Variants in LRRC4C observed in about 807,000 individuals in gnomAD.
LRRC4C encodes the protein leucine rich repeat containing 4C.
Under a neutral mutation model 33.6 loss-of-function variants are expected in LRRC4C, and 5 were observed. The observed-to-expected ratio is 0.15, with a 90% CI of 0.08 to 0.31. The LOEUF is 0.31. Among genes scored for constraint, LRRC4C ranks in the 10% least tolerant of loss-of-function variants. LRRC4C has a pLI of 1.00. For missense variants in LRRC4C, 560 were observed against 796.7 expected (o/e 0.70, Z 3.58); for synonymous variants, 329 against 302.0 (o/e 1.09, Z -0.93).
At chr11:40,512,380 A>G (rs1955363065) in intron 3 of LRRC4C, among the ~76,000 whole-genome samples, 1 of 145,724 alleles carries the variant, frequency 6.9e-6, no homozygotes, top group Admixed American at 6.8e-5. Context: ...TCTCAAAACA[A>G]AAACAAAAAC....
chr11:40,396,855 A>G (rs1002762671), intron 3 of LRRC4C, among the ~76,000 whole-genome samples: 1 of 152,134 alleles, frequency 6.6e-6, no homozygotes, highest in Non-Finnish European at 1.5e-5. Context: ...TGTAAAAACA[A>G]AAAAGAAATA....
At chr11:40,184,956 G>A (rs905506823) in intron 5 of LRRC4C, among the ~76,000 whole-genome samples, 1 of 152,122 alleles carries the variant, frequency 6.6e-6, no homozygotes, top group Non-Finnish European at 1.5e-5. Context: ...TGTTTCACAC[G>A]ATAACATTTA....
At chr11:40,792,462 C>T (rs1025249897) in intron 2 of LRRC4C, among the ~76,000 whole-genome samples, 2 of 151,336 alleles carry the variant, frequency 1.3e-5, no homozygotes, top group Middle Eastern at 3.2e-3. Context: ...GTTAGAATGG[C>T]GATCATTAAA....
chr11:40,699,080 A>G (rs1010514529), intron 2 of LRRC4C, among the ~76,000 whole-genome samples: 6 of 152,254 alleles, frequency 3.9e-5, no homozygotes, highest in South Asian at 2.1e-4. Context: ...CCACACACAT[A>G]CATAACTCTG....
intron 1 of LRRC4C, among the ~76,000 whole-genome samples, chr11:41,053,957 G>C (rs1309747184): frequency 6.6e-6 from 1 of 152,060 alleles, no homozygotes; most frequent in Non-Finnish European, 1.5e-5. Flanking sequence ...GGAGTTATAG[G>C]ACTTAATTGT....
At chr11:40,773,680 T>C (rs1020103883) in intron 2 of LRRC4C, among the ~76,000 whole-genome samples, 1 of 152,036 alleles carries the variant, frequency 6.6e-6, no homozygotes, top group African/African-American at 2.4e-5. Flanking sequence ...AACATTATTG[T>C]TACCACTTAA....
At chr11:40,390,960 C>A (rs930058756) in intron 3 of LRRC4C, among the ~76,000 whole-genome samples, 1 of 152,110 alleles carries the variant, frequency 6.6e-6, no homozygotes, top group Non-Finnish European at 1.5e-5. Flanking sequence ...AGGCTCACTG[C>A]AACCTCCGCC....
intron 2 of LRRC4C, among the ~76,000 whole-genome samples, chr11:40,931,708 ATTT>A (rs1226302665): frequency 6.6e-6 from 1 of 151,978 alleles, no homozygotes; most frequent in Non-Finnish European, 1.5e-5. Context: ...ACTTATAATT[ATTT>A]TTAAGTGATT....
intron 2 of LRRC4C, among the ~76,000 whole-genome samples, chr11:40,907,706 C>T (rs1049413694): frequency 6.6e-6 from 1 of 152,148 alleles, no homozygotes; most frequent in Admixed American, 6.5e-5. Context: ...TCTTTATTCT[C>T]AGTGAAAACA....
chr11:40,972,881 A>G (rs1339112814), intron 1 of LRRC4C, among the ~76,000 whole-genome samples: 1 of 152,150 alleles, frequency 6.6e-6, no homozygotes, highest in Non-Finnish European at 1.5e-5. Flanking sequence ...CCCAAATCTC[A>G]TGTCAAATTG....
rs577745684 is a variant in LRRC4C, at chr11:40,737,002, T to C, written c.-406-88724A>G. Among the ~76,000 whole-genome samples the C allele has an allele frequency of 5.3e-5, 8 of 152,262 alleles. No individual in the cohort carries two copies. The South Asian group carries it at 1.7e-3, about 32-fold the overall frequency. ...CCTGTACAGAAGCTCTTTAGTTTAATTAGATTCGTTTTGTCAATTTTGGCT... is the reference window on the plus strand; with the variant it reads ...CCTGTACAGAAGCTCTTTAGTTTAACTAGATTCGTTTTGTCAATTTTGGCT... On this transcript the variant is annotated intron_variant, in intron 2 of 6. Coordinates refer to ENST00000528697, the MANE Select transcript of LRRC4C (RefSeq NM_001258419.2).
intron 1 of LRRC4C, among the ~76,000 whole-genome samples, chr11:41,428,983 T>C (rs1955138763): frequency 6.6e-6 from 1 of 152,098 alleles, no homozygotes; most frequent in African/African-American, 2.4e-5. Context: ...GGACTGAATA[T>C]GGTTTGGCTG....
At chr11:40,565,484 A>ATT (rs757323077) in intron 3 of LRRC4C, among the ~76,000 whole-genome samples, 3 of 152,128 alleles carry the variant, frequency 2.0e-5, no homozygotes, top group African/African-American at 7.2e-5. Flanking sequence ...CTTGCCTAGC[A>ATT]TGTTCTCATT....
chr11:40,298,110 T>C (rs546825841), intron 4 of LRRC4C, among the ~76,000 whole-genome samples: 1 of 152,310 alleles, frequency 6.6e-6, no homozygotes, highest in South Asian at 2.1e-4. Context: ...TTACCGACTA[T>C]TCTTTTCACT....
chr11:40,678,284 G>A (rs2136312260), intron 2 of LRRC4C, among the ~76,000 whole-genome samples: 1 of 151,952 alleles, frequency 6.6e-6, no homozygotes, highest in African/African-American at 2.4e-5. Context: ...TTCAGCCCTG[G>A]AGCCCCTCCT....
intron 2 of LRRC4C, among the ~76,000 whole-genome samples, chr11:40,774,988 T>A (rs1949922690): frequency 6.6e-6 from 1 of 151,908 alleles, no homozygotes; most frequent in Admixed American, 6.6e-5. Flanking sequence ...ATGTCCAATA[T>A]AAAAACCTAT....
intron 2 of LRRC4C, among the ~76,000 whole-genome samples, chr11:40,681,214 G>A (rs1448655307): frequency 6.6e-6 from 1 of 152,098 alleles, no homozygotes; most frequent in Non-Finnish European, 1.5e-5. Context: ...ATAGACACTG[G>A]TCTCATCAGA....
Position 40,630,322 on chromosome 11 carries a change from T to C in LRRC4C, c.-270+17820A>G, listed in dbSNP as rs142604471. Among the ~76,000 whole-genome samples the C allele has an allele frequency of 9.1e-3, 1,265 of 139,264 alleles. 13 individuals carry two copies. Among genetic ancestry groups the C allele is most frequent in the South Asian group, 0.03 (121 of 4,054 alleles). The allele number at this position is 139,264 out of a possible 152,430, so 91.4% of individuals were successfully genotyped here. A position where few individuals can be genotyped will look rare whatever the true frequency, so the allele number is the denominator to read the frequency against. On this transcript the variant is annotated intron_variant, in intron 3 of 6. Transcript: ENST00000528697. ...TCCCTTGTTTATTACTTGTTTTCTT[T>C]CTTCTTCCTCTTCTTCTTCTTCTTC...
chr11:41,204,405 C>G (rs1946516452), intron 1 of LRRC4C, among the ~76,000 whole-genome samples: 2 of 152,144 alleles, frequency 1.3e-5, no homozygotes, highest in South Asian at 4.1e-4. Flanking sequence ...AAGCAACTTT[C>G]TGCTAAAATC....
Sources: gnomAD v4.1 joint callset for allele counts (sites outside exome capture counted in the v4.1 genomes callset) on GRCh38, gnomAD v4.1.1 for gene constraint, MANE v1.5 for transcripts, NCBI Gene and HGNC (gene_info 2026-07-23, HGNC 2026-07-21) for gene names.